Variants in KIAA1328 observed in about 807,000 individuals in gnomAD.
The protein encoded by KIAA1328 is KIAA1328.
A neutral mutation model predicts 68.1 loss-of-function variants in KIAA1328; 52 were observed. The ratio of observed to expected loss-of-function variants is 0.76; its 90% CI spans 0.61 to 0.96. The LOEUF is 0.96. Ranked by LOEUF, KIAA1328 falls within the 40% of genes least tolerant of loss-of-function variation. The pLI is 0.00. For missense variants in KIAA1328, 641 were observed against 677.6 expected, an observed-to-expected ratio of 0.95 and a Z score of 0.60; for synonymous variants, 232 against 239.4, an observed-to-expected ratio of 0.97 and a Z score of 0.28.
chr18:36,916,874 A>G (rs1245994076), intron 5 of KIAA1328, among the ~76,000 whole-genome samples: 1 of 150,996 alleles, frequency 6.6e-6, no homozygotes, highest in Non-Finnish European at 1.5e-5. Flanking sequence ...TCAACCTCTC[A>G]AGTAGCTGAG....
intron 4 of KIAA1328, among the ~76,000 whole-genome samples, chr18:36,880,666 G>A (rs1034544882): frequency 5.3e-5 from 8 of 151,984 alleles, no homozygotes; most frequent in Non-Finnish European, 1.2e-4. Flanking sequence ...GGTAGGGAGG[G>A]ACAAATTTTT....
intron 7 of KIAA1328, among the ~76,000 whole-genome samples, chr18:37,083,872 T>C (rs2057021761): frequency 6.6e-6 from 1 of 152,182 alleles, no homozygotes; most frequent in Non-Finnish European, 1.5e-5. Flanking sequence ...GAAGTATCTA[T>C]AATTTTGAAT....
At chr18:36,962,179 T>G (rs1409777116) in intron 6 of KIAA1328, among the ~76,000 whole-genome samples, 2 of 152,140 alleles carry the variant, frequency 1.3e-5, no homozygotes, top group Non-Finnish European at 2.9e-5. Context: ...TCCTAGTCTC[T>G]GATAAAACAG....
chr18:37,118,314 T>C (rs2058177853), intron 7 of KIAA1328, among the ~76,000 whole-genome samples: 1 of 152,166 alleles, frequency 6.6e-6, no homozygotes, highest in Non-Finnish European at 1.5e-5. Context: ...TTTCTTTCAC[T>C]ACCTATTTCA....
At chr18:36,994,230 C>T (rs558865561) in intron 6 of KIAA1328, among the ~76,000 whole-genome samples, 1 of 152,262 alleles carries the variant, frequency 6.6e-6, no homozygotes, top group South Asian at 2.1e-4. Context: ...TATTGTTACT[C>T]CTCTGTGCCT....
At chr18:37,041,807 A>G (rs1728264128) in intron 6 of KIAA1328, among the ~76,000 whole-genome samples, 1 of 152,206 alleles carries the variant, frequency 6.6e-6, no homozygotes, top group African/African-American at 2.4e-5. Flanking sequence ...ACAGTATTCC[A>G]ATAAAATATA....
At chr18:37,020,401 G>A (rs925234362) in intron 6 of KIAA1328, among the ~76,000 whole-genome samples, 4 of 152,236 alleles carry the variant, frequency 2.6e-5, no homozygotes, top group Admixed American at 6.5e-5. Context: ...GGGATTACAG[G>A]CGTGAGCCAC....
intron 4 of KIAA1328, among the ~76,000 whole-genome samples, chr18:36,853,215 G>A (rs531903767): frequency 6.6e-6 from 1 of 152,238 alleles, no homozygotes; most frequent in Non-Finnish European, 1.5e-5. Context: ...ATATAAACCT[G>A]TAGATTATGA....
intron 7 of KIAA1328, among the ~76,000 whole-genome samples, chr18:37,126,108 A>G (rs1400111470): frequency 6.6e-6 from 1 of 152,170 alleles, no homozygotes; most frequent in Non-Finnish European, 1.5e-5. Flanking sequence ...GTGTGCACAA[A>G]TTTTGTTTCG....
intron 7 of KIAA1328, among the ~76,000 whole-genome samples, chr18:37,073,922 C>T (rs1038495311): frequency 9.2e-5 from 14 of 152,114 alleles, no homozygotes; most frequent in Non-Finnish European, 8.8e-5. Flanking sequence ...TCATTTGTGG[C>T]ATGATGAGTG....
downstream of KIAA1328, chr18:37,225,401 C>G: frequency 2.8e-6 from 2 of 706,526 alleles, no homozygotes; most frequent in South Asian, 1.3e-4. Context: ...AGCTTGAAAG[C>G]AAGTGCAGAC....
At chr18:36,927,206 T>C (rs1170461126) in intron 5 of KIAA1328, among the ~76,000 whole-genome samples, 2 of 152,206 alleles carry the variant, frequency 1.3e-5, no homozygotes, top group African/African-American at 4.8e-5. Flanking sequence ...AATGTTGGTT[T>C]TTCAGGTGTG....
intron 7 of KIAA1328, among the ~76,000 whole-genome samples, chr18:37,079,822 G>C (rs76014810): frequency 6.6e-6 from 1 of 151,244 alleles, no homozygotes; most frequent in African/African-American, 2.4e-5. Flanking sequence ...GGGAGGTGGA[G>C]GTTGCAGTGA....
At chr18:36,842,795 C>T (rs907940699) in intron 3 of KIAA1328, among the ~76,000 whole-genome samples, 1 of 151,650 alleles carries the variant, frequency 6.6e-6, no homozygotes, top group South Asian at 2.1e-4. Context: ...CCATTGCCTT[C>T]TTCCCCCAGT....
chr18:37,230,910 C>T (rs1256788563), downstream of KIAA1328: 1 of 152,202 alleles, frequency 6.6e-6, no homozygotes, highest in Admixed American at 6.5e-5. Flanking sequence ...GGAGTGCACC[C>T]CTTAGAGTGG....
intron 8 of KIAA1328, among the ~76,000 whole-genome samples, chr18:37,167,560 G>A (rs1222020024): frequency 1.3e-5 from 2 of 151,976 alleles, no homozygotes; most frequent in African/African-American, 2.4e-5. Flanking sequence ...TGTCTGCATC[G>A]TTCCACCGGT....
chr18:37,220,365 A>G (rs1452395437), intron 9 of KIAA1328, among the ~76,000 whole-genome samples: 3 of 152,246 alleles, frequency 2.0e-5, no homozygotes, highest in Non-Finnish European at 2.9e-5. Flanking sequence ...AGAAAAATTA[A>G]ATTTAAAAAT....
intron 6 of KIAA1328, among the ~76,000 whole-genome samples, chr18:37,014,269 T>C (rs531954641): frequency 1.3e-5 from 2 of 152,346 alleles, no homozygotes; most frequent in South Asian, 4.1e-4. Flanking sequence ...CATGCAAATA[T>C]TTTCTTCCAT....
At chr18:37,202,140 T>A (rs927621662) in intron 9 of KIAA1328, among the ~76,000 whole-genome samples, 1 of 79,450 alleles carries the variant, frequency 1.3e-5, no homozygotes, top group Non-Finnish European at 2.2e-5. Flanking sequence ...AATGCTTCCA[T>A]TTTTTTTTAA....
Sources: gnomAD v4.1 joint callset for allele counts (sites outside exome capture counted in the v4.1 genomes callset) on GRCh38, gnomAD v4.1.1 for gene constraint, MANE v1.5 for transcripts, NCBI Gene and HGNC (gene_info 2026-07-23, HGNC 2026-07-21) for gene names.